Variants in SPATA13 observed in about 807,000 individuals in gnomAD.
SPATA13 encodes the protein spermatogenesis-associated protein 13.
In SPATA13, 50 loss-of-function variants were observed where a neutral mutation model predicts 104.0. The ratio of observed to expected loss-of-function variants is 0.48; its 90% CI spans 0.38 to 0.61. The LOEUF is 0.61. SPATA13 is among the 20% of genes least tolerant of loss of function. SPATA13 has a pLI of 0.00. For synonymous variants in SPATA13, 606 were observed against 667.5 expected, an observed-to-expected ratio of 0.91 and a Z score of 1.42; for missense variants, 1,524 against 1,690.6, an observed-to-expected ratio of 0.90 and a Z score of 1.73.
chr13:24,291,749 T>TA (rs1491548908), intron 9 of SPATA13, among the ~76,000 whole-genome samples: 29 of 79,832 alleles, frequency 3.6e-4, no homozygotes, highest in African/African-American at 1.4e-3. Flanking sequence ...TATTTTTTTA[T>TA]TTTTTTATTT....
chr13:24,295,685 C>G (rs1475088389), intron 10 of SPATA13, among the ~76,000 whole-genome samples: 1 of 151,950 alleles, frequency 6.6e-6, no homozygotes, highest in Non-Finnish European at 1.5e-5. Context: ...CTCTCTCTCT[C>G]TCTCTCTCTC....
At chr13:24,122,671 A>G (rs1881074594) in intron 3 of SPATA13, 7 of 1,068,136 alleles carry the variant, frequency 6.6e-6, no homozygotes, top group Non-Finnish European at 1.0e-5. Context: ...TTGGTGACAG[A>G]CAGAAGTGTG....
At chr13:24,174,888 C>G (rs977798683) in intron 1 of SPATA13, among the ~76,000 whole-genome samples, 2 of 152,204 alleles carry the variant, frequency 1.3e-5, no homozygotes, top group African/African-American at 4.8e-5. Flanking sequence ...CTAAAAGTTT[C>G]CCTTTAGAGT....
intron 3 of SPATA13, among the ~76,000 whole-genome samples, chr13:24,108,973 T>A (rs9511062): frequency 0.7 from 106,141 of 152,048 alleles, 37,749 homozygotes; most frequent in South Asian, 0.79. Context: ...TTTATTTTTT[T>A]AAATTATACT....
In SPATA13 at chr13:24,287,041, C is replaced by G. The variant is rs369603488; in HGVS notation, c.2667+91C>G. On this transcript the variant is annotated intron_variant, in intron 7 of 12. Transcript: ENST00000382108. ...TCTCCCCACCTCCACCCCCCGCCCC[C>G]CCATCAGGCTCCCACATGTATGCTC... 6 of 1,115,044 alleles carry G rather than the reference C, an allele frequency of 5.4e-6. No homozygotes were observed. In the African/African-American group the frequency reaches 6.2e-5, roughly 12 times the overall value. The allele number at this position is 1,115,044 out of a possible 1,614,324, so 69.1% of individuals were successfully genotyped here.
chr13:24,110,665 A>G (rs940591653), intron 3 of SPATA13, among the ~76,000 whole-genome samples: 7 of 152,246 alleles, frequency 4.6e-5, no homozygotes, highest in Non-Finnish European at 7.3e-5. Context: ...CTGCGGACAC[A>G]GAAAGGAAAC....
intron 2 of SPATA13, among the ~76,000 whole-genome samples, chr13:23,995,010 T>C (rs1326998149): frequency 6.6e-6 from 1 of 152,158 alleles, no homozygotes; most frequent in African/African-American, 2.4e-5. Flanking sequence ...GTGTCGTGAC[T>C]GTGTGTGTGA....
intron 2 of SPATA13, among the ~76,000 whole-genome samples, chr13:24,234,122 T>G (rs1301040607): frequency 6.6e-6 from 1 of 152,162 alleles, no homozygotes; most frequent in Non-Finnish European, 1.5e-5. Context: ...AAATGCCAAC[T>G]CTTATAGAAA....
At position 24,139,702 on chromosome 13, in the gene SPATA13, C is replaced by T. The variant is rs759101972; in HGVS notation, c.-111-83117C>T. ...AGGAAGGTGCTCTGGGTTTATTTCT[C>T]GCCATGGCACTGCTTAGCTACATGA... On this transcript the variant is annotated intron_variant, in intron 3 of 14. Coordinates refer to the SPATA13 transcript ENST00000424834. Among the ~76,000 whole-genome samples, 68 of 152,304 alleles carry T rather than the reference C, an allele frequency of 4.5e-4. 1 individual carries two copies. The highest frequency in any genetic ancestry group is 3.9e-3 in the Admixed American group (59 of 15,296).
chr13:24,062,369 C>G (rs1377410555), intron 3 of SPATA13, among the ~76,000 whole-genome samples: 1 of 152,194 alleles, frequency 6.6e-6, no homozygotes, highest in African/African-American at 2.4e-5. Context: ...CAGGGACTGA[C>G]TGGGGGCTGA....
At chr13:24,016,618 C>T (rs949763266) in intron 2 of SPATA13, among the ~76,000 whole-genome samples, 3 of 152,228 alleles carry the variant, frequency 2.0e-5, no homozygotes, top group Admixed American at 6.5e-5. Context: ...CCGGGCATGG[C>T]CTGCAGGGCT....
intron 2 of SPATA13, among the ~76,000 whole-genome samples, chr13:24,247,019 G>A (rs1254145506): frequency 2.6e-5 from 4 of 152,174 alleles, no homozygotes; most frequent in Admixed American, 2.0e-4. Flanking sequence ...TGTCTGTTTG[G>A]GTGTGGATTC....
At chr13:24,291,988 C>T (rs1876420533) in intron 9 of SPATA13, among the ~76,000 whole-genome samples, 1 of 151,126 alleles carries the variant, frequency 6.6e-6, no homozygotes, top group Non-Finnish European at 1.5e-5. Context: ...GATCTCCTGA[C>T]CTCATGATCC....
chr13:24,171,183 G>A (rs996499737), intron 1 of SPATA13, among the ~76,000 whole-genome samples: 1 of 152,160 alleles, frequency 6.6e-6, no homozygotes, highest in African/African-American at 2.4e-5. Flanking sequence ...CTAGAGCTGG[G>A]TGGTTTTAGA....
chr13:24,201,682 G>T (rs368026794), intron 1 of SPATA13, among the ~76,000 whole-genome samples: 1 of 152,078 alleles, frequency 6.6e-6, no homozygotes, highest in Non-Finnish European at 1.5e-5. Flanking sequence ...CTCATGGTTC[G>T]CCCACCTTGG....
chr13:23,984,070 T>A, intron 2 of SPATA13: 1 of 398,710 alleles, frequency 2.5e-6, no homozygotes, highest in African/African-American at 2.2e-5. Flanking sequence ...ATTGAGCAAC[T>A]AACAAGGGTG....
intron 9 of SPATA13, among the ~76,000 whole-genome samples, chr13:24,291,946 C>T (rs1311734709): frequency 2.0e-5 from 3 of 150,036 alleles, no homozygotes; most frequent in Admixed American, 1.3e-4. Flanking sequence ...TTAGTAGAGA[C>T]GGGGTTTCAC....
At chr13:24,020,692 G>T (rs370319037) in intron 3 of SPATA13, among the ~76,000 whole-genome samples, 1 of 152,148 alleles carries the variant, frequency 6.6e-6, no homozygotes, top group Non-Finnish European at 1.5e-5. Flanking sequence ...TAAATTCAAT[G>T]AATACTTTTT....
At chr13:24,136,026 G>A (rs1881553945) in intron 3 of SPATA13, among the ~76,000 whole-genome samples, 1 of 152,214 alleles carries the variant, frequency 6.6e-6, no homozygotes, top group Non-Finnish European at 1.5e-5. Context: ...GCTCTTGGTT[G>A]CCTTGAACCA....
Sources: gnomAD v4.1 joint callset for allele counts (sites outside exome capture counted in the v4.1 genomes callset) on GRCh38, gnomAD v4.1.1 for gene constraint, MANE v1.5 for transcripts, NCBI Gene and HGNC (gene_info 2026-07-23, HGNC 2026-07-21) for gene names.